The following GALNT17 variants were observed in gnomAD, a reference collection of about 807,000 sequenced individuals.
The protein encoded by GALNT17 is polypeptide N-acetylgalactosaminyltransferase 17.
A neutral mutation model predicts 63.7 loss-of-function variants in GALNT17; 29 were observed. The ratio of observed to expected loss-of-function variants is 0.46; its 90% confidence interval spans 0.34 to 0.62. The LOEUF (loss-of-function observed/expected upper bound fraction) is 0.62. GALNT17 is among the 20% of genes least tolerant of loss of function. GALNT17 has a pLI of 0.01. For synonymous variants in GALNT17, 305 were observed against 318.3 expected (o/e 0.96, Z 0.45); for missense variants, 603 against 799.6 (o/e 0.75, Z 2.97).
intron 3 of GALNT17, among the ~76,000 whole-genome samples, chr7:71,396,609 A>C (rs1793144037): frequency 6.6e-6 from 1 of 152,054 alleles, no homozygotes; most frequent in Admixed American, 6.5e-5. Context: ...GGTTCCTTGC[A>C]TTTACATATT....
At chr7:71,528,861 G>A (rs1187250642) in intron 5 of GALNT17, among the ~76,000 whole-genome samples, 1 of 152,152 alleles carries the variant, frequency 6.6e-6, no homozygotes, top group Non-Finnish European at 1.5e-5. Flanking sequence ...TTGACCGGGT[G>A]TGGTGGCTCA....
intron 3 of GALNT17, among the ~76,000 whole-genome samples, chr7:71,391,507 GTC>G (rs200475624): frequency 0.032 from 4,856 of 152,164 alleles, 114 homozygotes; most frequent in East Asian, 0.11. Context: ...TTGAGACAGG[GTC>G]TCTCACTCTG....
chr7:71,348,527 C>T (rs981611007), intron 2 of GALNT17, among the ~76,000 whole-genome samples: 1 of 152,184 alleles, frequency 6.6e-6, no homozygotes, highest in Non-Finnish European at 1.5e-5. Flanking sequence ...AAAGCAGTGT[C>T]AACCTTGTCC....
At chr7:71,358,569 TC>T (rs1792335605) in intron 2 of GALNT17, among the ~76,000 whole-genome samples, 1 of 152,178 alleles carries the variant, frequency 6.6e-6, no homozygotes, top group Non-Finnish European at 1.5e-5. Flanking sequence ...TCCTAGATTT[TC>T]CTTGCGCTCT....
At chr7:71,604,624 C>T (rs78374873) in intron 6 of GALNT17, among the ~76,000 whole-genome samples, 17,907 of 152,076 alleles carry the variant, frequency 0.12, 1,664 homozygotes, top group African/African-American at 0.27. Context: ...AACTACCATG[C>T]GATACTACCC....
At chr7:71,209,768 A>G (rs544331539) in intron 1 of GALNT17, among the ~76,000 whole-genome samples, 6 of 152,126 alleles carry the variant, frequency 3.9e-5, no homozygotes, top group Non-Finnish European at 8.8e-5. Flanking sequence ...AAAGAGGTTT[A>G]ATCAGACTTA....
At chr7:71,594,952 C>T (rs1023152138) in intron 6 of GALNT17, among the ~76,000 whole-genome samples, 2 of 152,104 alleles carry the variant, frequency 1.3e-5, no homozygotes, top group African/African-American at 4.8e-5. Context: ...ATCTAGGTAA[C>T]ATGAAGTCAT....
At chr7:71,552,553 G>A (rs570246256) in intron 5 of GALNT17, among the ~76,000 whole-genome samples, 99 of 150,736 alleles carry the variant, frequency 6.6e-4, no homozygotes, top group African/African-American at 2.4e-3. Context: ...TAATTCTCCT[G>A]TCTCAGCCCC....
intron 1 of GALNT17, among the ~76,000 whole-genome samples, chr7:71,239,374 AG>A (rs1789953994): frequency 6.6e-6 from 1 of 151,780 alleles, no homozygotes; most frequent in Non-Finnish European, 1.5e-5. Flanking sequence ...CTGGGGACTG[AG>A]GCAAAAGGAT....
At chr7:71,170,750 G>A (rs887835381) in intron 1 of GALNT17, among the ~76,000 whole-genome samples, 1 of 152,112 alleles carries the variant, frequency 6.6e-6, no homozygotes, top group South Asian at 2.1e-4. Flanking sequence ...TGGCTGATTG[G>A]GAGTTAAATT....
chr7:71,619,262 T>C (rs1288554052), intron 6 of GALNT17, among the ~76,000 whole-genome samples: 1 of 152,206 alleles, frequency 6.6e-6, no homozygotes, highest in Non-Finnish European at 1.5e-5. Context: ...TCAAGATTGC[T>C]CTGGCTATTT....
chr7:71,136,283 T>C lies in GALNT17; in HGVS notation c.238+3243T>C, dbSNP rs114367196. ...GCTCCCGAGGGTGGAGAAGGAAACCTTGACCTTAATGTTCTTTATTCCCTT... is the reference window on the plus strand; with the variant it reads ...GCTCCCGAGGGTGGAGAAGGAAACCCTGACCTTAATGTTCTTTATTCCCTT... On this transcript the variant is annotated intron_variant, in intron 1 of 10. Transcript: ENST00000333538. Among the ~76,000 whole-genome samples the C allele has an allele frequency of 1.4e-3, 209 of 152,318 alleles. 1 individual carries two copies. The highest frequency in any genetic ancestry group is 4.9e-3 in the African/African-American group (202 of 41,586).
chr7:71,364,021 G>GT lies in GALNT17; in HGVS notation c.423-24207dup, dbSNP rs149679506. ...TTAGGCTAAACTTACATATATACAT[G>GT]TTTTTTTCCATAAGTTATTGGGGTA... On this transcript the variant is annotated intron_variant, in intron 2 of 10. Coordinates refer to ENST00000333538, the MANE Select transcript of GALNT17 (RefSeq NM_022479.3). 7.6e-3 allele frequency among the ~76,000 whole-genome samples: 1,150 copies of GT among 152,190 alleles called. 11 individuals are homozygous for GT. Among genetic ancestry groups the GT allele is most frequent in the African/African-American group, 0.026 (1,062 of 41,528 alleles).
intron 1 of GALNT17, among the ~76,000 whole-genome samples, chr7:71,326,459 C>CGAAA (rs1184144953): frequency 6.6e-6 from 1 of 151,960 alleles, no homozygotes; most frequent in Admixed American, 6.6e-5. Context: ...GACCCCAACT[C>CGAAA]GAAAGAAAGA....
intron 1 of GALNT17, among the ~76,000 whole-genome samples, chr7:71,187,870 A>C (rs781275188): frequency 6.6e-6 from 1 of 152,316 alleles, no homozygotes; most frequent in African/African-American, 2.4e-5. Context: ...CTCAATTTGT[A>C]GTCTTCCCAC....
At chr7:71,227,640 A>AT (rs1789706329) in intron 1 of GALNT17, among the ~76,000 whole-genome samples, 1 of 152,006 alleles carries the variant, frequency 6.6e-6, no homozygotes, top group African/African-American at 2.4e-5. Context: ...ATTTGATTTG[A>AT]TTTGATGGCA....
chr7:71,177,075 C>T (rs960501841), intron 1 of GALNT17, among the ~76,000 whole-genome samples: 1 of 152,126 alleles, frequency 6.6e-6, no homozygotes, highest in Non-Finnish European at 1.5e-5. Context: ...CCTCTGGGTT[C>T]TCCATGGAGT....
intron 1 of GALNT17, among the ~76,000 whole-genome samples, chr7:71,156,692 CTCTG>C (rs745810170): frequency 1.5e-5 from 2 of 137,812 alleles, no homozygotes; most frequent in African/African-American, 2.8e-5. Context: ...CTTCCTTCCT[CTCTG>C]TCTCTCTGTC....
chr7:71,564,640 C>G (rs1789310659), intron 5 of GALNT17, among the ~76,000 whole-genome samples: 2 of 152,102 alleles, frequency 1.3e-5, no homozygotes, highest in South Asian at 4.2e-4. Context: ...ACATTCATTC[C>G]ACATCCCCGC....
Sources: gnomAD v4.1 joint callset for allele counts (sites outside exome capture counted in the v4.1 genomes callset) on GRCh38, gnomAD v4.1.1 for gene constraint, MANE v1.5 for transcripts, NCBI Gene and HGNC (gene_info 2026-07-23, HGNC 2026-07-21) for gene names.